STS: variants seen among roughly 807,000 people sequenced by gnomAD.
The protein encoded by STS is steroid sulfatase, also known as steryl-sulfatase.
Under a neutral mutation model 26.8 loss-of-function variants are expected in STS, and 7 were observed. The ratio of observed to expected loss-of-function variants is 0.26; its 90% CI spans 0.15 to 0.49. The LOEUF (loss-of-function observed/expected upper bound fraction) is 0.49, where lower values mean the gene tolerates loss of function less well. Ranked by LOEUF, STS falls within the 20% of genes least tolerant of loss-of-function variation. The probability of loss-of-function intolerance (pLI) is 0.98; values close to 1 mark genes in which losing one functional copy is unlikely to be tolerated. For missense variants in STS, 434 were observed against 465.6 expected (o/e 0.93, Z 0.63); for synonymous variants, 199 against 189.4 (o/e 1.05, Z -0.42).
At position 7,162,882 on chromosome X, in the gene STS, T is replaced by TAAAAAA. The variant is rs758518020; in HGVS notation, c.-134+14819_-134+14824dup. Reference sequence around the variant, plus strand: ...CAGCATGGTGAAACCCCGTCTATACTAAAAAAAAAAAAAAAAAAAAAAAAA... The same window carrying TAAAAAA: ...CAGCATGGTGAAACCCCGTCTATACTAAAAAAAAAAAAAAAAAAAAAAAAAAAAAAA... On this transcript the variant is annotated intron_variant, in intron 1 of 10. Coordinates refer to ENST00000674429, the MANE Select transcript of STS (RefSeq NM_001320752.2). Among the ~76,000 whole-genome samples, 3 of 49,771 alleles carry TAAAAAA rather than the reference T, an allele frequency of 6.0e-5. No individual in the cohort carries two copies. The East Asian group carries it at 2.0e-3, about 34-fold the overall frequency. 43.2% of individuals were successfully genotyped at this position (49,771 alleles called of 115,157 possible). A position where few individuals can be genotyped will look rare whatever the true frequency, so the allele number is the denominator to read the frequency against.
chrX:7,320,153 T>TA (rs1391145201), intron 8 of STS, among the ~76,000 whole-genome samples: 2 of 100,309 alleles, frequency 2.0e-5, no homozygotes, highest in Non-Finnish European at 2.0e-5. Flanking sequence ...TATTTATATA[T>TA]TTTTTATTAT....
chrX:7,147,491 C>T (rs758583006), upstream of STS, among the ~76,000 whole-genome samples: 2 of 112,167 alleles, frequency 1.8e-5, no homozygotes, highest in South Asian at 7.5e-4. Context: ...TGTCTCCTGA[C>T]ATCGCCATTG....
intron 2 of STS, among the ~76,000 whole-genome samples, chrX:7,202,801 G>A (rs1316105952): frequency 2.7e-5 from 3 of 111,107 alleles, no homozygotes; most frequent in Non-Finnish European, 5.7e-5. Flanking sequence ...AATGTGGACT[G>A]GCAACATCCA....
intron 5 of STS, among the ~76,000 whole-genome samples, chrX:7,258,393 T>G (rs1464767306): frequency 1.8e-5 from 2 of 111,213 alleles, no homozygotes; most frequent in African/African-American, 6.5e-5. Context: ...AGATGATAGA[T>G]GGAACAAATG....
intron 1 of STS, among the ~76,000 whole-genome samples, chrX:7,179,742 A>G (rs927596129): frequency 1.8e-5 from 2 of 112,253 alleles, no homozygotes; most frequent in Non-Finnish European, 3.8e-5. Flanking sequence ...CAACAGTACA[A>G]TGGCAGTTAC....
intron 7 of STS, among the ~76,000 whole-genome samples, chrX:7,293,392 C>T (rs970974234): frequency 1.3e-4 from 14 of 111,805 alleles, no homozygotes; most frequent in African/African-American, 3.2e-4. Flanking sequence ...TGCCTCTCCT[C>T]GACTATCTGG....
intron 2 of STS, among the ~76,000 whole-genome samples, chrX:7,222,528 CAAAAAAAAAAA>C (rs770658761): frequency 7.6e-5 from 3 of 39,425 alleles, no homozygotes; most frequent in Non-Finnish European, 1.3e-4. Context: ...CCCTCAGCTG[CAAAAAAAAAAA>C]AAAAAAAAAA....
intron 1 of STS, among the ~76,000 whole-genome samples, chrX:7,179,369 A>G (rs1207332138): frequency 9.1e-6 from 1 of 110,325 alleles, no homozygotes; most frequent in Admixed American, 9.7e-5. Context: ...CCTTCTCATG[A>G]AAGTGATAAT....
intron 1 of STS, among the ~76,000 whole-genome samples, chrX:7,163,301 C>A (rs1240288695): frequency 2.7e-5 from 3 of 112,273 alleles, no homozygotes; most frequent in African/African-American, 9.7e-5. Context: ...GGTTGCAAAA[C>A]TGTCTCTTGT....
At chrX:7,330,360 A>G (rs1389007630) in intron 9 of STS, among the ~76,000 whole-genome samples, 1 of 112,002 alleles carries the variant, frequency 8.9e-6, no homozygotes, top group Admixed American at 9.5e-5. Context: ...GAGAATGGCA[A>G]CAAGCCATAG....
intron 2 of STS, among the ~76,000 whole-genome samples, chrX:7,220,054 G>A (rs932162101): frequency 8.9e-6 from 1 of 111,792 alleles, no homozygotes; most frequent in Non-Finnish European, 1.9e-5. Flanking sequence ...CTAAAAGGTG[G>A]AGTGAGGAAG....
chrX:7,149,862 A>G (rs1486315655), intron 1 of STS, among the ~76,000 whole-genome samples: 3 of 111,498 alleles, frequency 2.7e-5, no homozygotes, highest in African/African-American at 9.8e-5. Context: ...CTCCTTTTAT[A>G]AGAACACGAT....
rs1928859943 is a variant in STS, at chrX:7,352,842, T to G, written c.*2581T>G. On this transcript the variant is annotated 3_prime_UTR_variant, in exon 11 of 11. Transcript: ENST00000674429. ...AGTAATGCTGCAGGAAAAGCAAAATTGCAATCTACGTATCTATGGTACTAA... is the reference window on the plus strand; with the variant it reads ...AGTAATGCTGCAGGAAAAGCAAAATGGCAATCTACGTATCTATGGTACTAA... The G allele has an allele frequency of 9.0e-6, 1 of 110,938 alleles. No homozygotes were observed. 9.1% of individuals were successfully genotyped at this position (110,938 alleles called of 1,213,427 possible). A position where few individuals can be genotyped will look rare whatever the true frequency, so the allele number is the denominator to read the frequency against.
At chrX:7,217,785 T>C (rs1314375237) in intron 2 of STS, among the ~76,000 whole-genome samples, 1 of 111,663 alleles carries the variant, frequency 9.0e-6, no homozygotes, top group African/African-American at 3.3e-5. Flanking sequence ...AGTAAGACTT[T>C]CATGGGCCAT....
chrX:7,251,892 T>C (rs1437834664), intron 2 of STS, among the ~76,000 whole-genome samples: 1 of 111,046 alleles, frequency 9.0e-6, no homozygotes, highest in East Asian at 2.8e-4. Context: ...GCCCAGGAGT[T>C]GGAGGCTGCA....
chrX:7,259,883 T>C, intron 6 of STS, 111 bp downstream of exon 6: 10 of 1,013,487 alleles, frequency 9.9e-6, no homozygotes, highest in Non-Finnish European at 1.1e-5. Context: ...TTGTGGTTTG[T>C]TCGTTTTTTT....
At chrX:7,273,408 G>A (rs1331240652) in intron 6 of STS, among the ~76,000 whole-genome samples, 3 of 111,456 alleles carry the variant, frequency 2.7e-5, no homozygotes, top group Non-Finnish European at 3.8e-5. Flanking sequence ...CAAGTCATAG[G>A]ACTGAAAAAT....
chrX:7,264,174 A>G (rs766109992), intron 6 of STS, among the ~76,000 whole-genome samples: 3 of 111,596 alleles, frequency 2.7e-5, no homozygotes, highest in East Asian at 5.6e-4. Context: ...GTGAGTAACC[A>G]TAGCTCCATC....
intron 1 of STS, among the ~76,000 whole-genome samples, chrX:7,185,740 C>T (rs762032281): frequency 7.1e-5 from 8 of 112,250 alleles, no homozygotes; most frequent in Non-Finnish European, 1.5e-4. Flanking sequence ...CTGTTAGCCC[C>T]GATTGTCTGC....
Sources: allele counts gnomAD v4.1 joint callset (sites outside exome capture counted in the v4.1 genomes callset), GRCh38; gene constraint gnomAD v4.1.1; transcripts MANE v1.5; gene names NCBI Gene and HGNC (gene_info 2026-07-23, HGNC 2026-07-21).